The following RESF1 variants were observed in gnomAD, a reference collection of about 807,000 sequenced individuals.
RESF1 encodes the protein gonad expressed transcript.
A neutral mutation model predicts 134.7 loss-of-function variants in RESF1; 65 were observed. The ratio of observed to expected loss-of-function variants is 0.48; its 90% CI spans 0.40 to 0.59. The LOEUF (loss-of-function observed/expected upper bound fraction) is 0.59, where lower values mean the gene tolerates loss of function less well. Among genes scored for constraint, RESF1 ranks in the 20% least tolerant of loss-of-function variants. The pLI, the probability that RESF1 is intolerant of heterozygous loss-of-function variation, is 0.00. For synonymous variants in RESF1, 762 were observed against 702.2 expected, an observed-to-expected ratio of 1.09 and a Z score of -1.35; for missense variants, 2,274 against 2,002.7, an observed-to-expected ratio of 1.14 and a Z score of -2.59.
chr12:31,974,777 T>C (rs10844078), intron 3 of RESF1, among the ~76,000 whole-genome samples: 15,616 of 152,094 alleles, frequency 0.1, 1,023 homozygotes, highest in East Asian at 0.21. Context: ...TGAAGCATCA[T>C]TAATTCTCCT....
At position 31,984,520 on chromosome 12, in the gene RESF1, C is replaced by G; in HGVS notation, c.3565C>G (p.Gln1189Glu). 1 of 1,598,622 alleles carries G rather than the reference C, an allele frequency of 6.3e-7. No homozygotes were observed. The change falls in exon 4 of 6, where the codon CAG becomes GAG. Residue 1189 changes from glutamine (Q) to glutamate (E), a missense_variant. Coordinates refer to ENST00000312561, the MANE Select transcript of RESF1 (RefSeq NM_018169.4). ...SMVYEGVPQC[Q>E]CNSIKNSSSE... is the part of the protein sequence containing the mutation. ...GGTTTACGAAGGAGTACCCCAGTGT[C>G]AGTGTAATTCCATCAAGAACTCATC...
intron 2 of RESF1, among the ~76,000 whole-genome samples, chr12:31,964,689 G>C (rs936127087): frequency 2.0e-5 from 3 of 152,152 alleles, no homozygotes; most frequent in African/African-American, 4.8e-5. Context: ...TTGTGGTTGT[G>C]ATTTGCATTT....
At position 31,986,430 on chromosome 12, in the gene RESF1, A is replaced by G. The variant is rs181308186; in HGVS notation, c.5002+473A>G. Among the ~76,000 whole-genome samples, 421 of 152,334 alleles carry G rather than the reference A, an allele frequency of 2.8e-3. 1 individual carries two copies. Among genetic ancestry groups the G allele is most frequent in the Non-Finnish European group, 4.0e-3 (272 of 68,032 alleles). ...CTGAAGTCTTTTTGTTCATATGGAA[A>G]TGGGTCAACTAATTGTCCTCTTTGA... On this transcript the variant is annotated intron_variant, in intron 4 of 5. Transcript: ENST00000312561.
intron 3 of RESF1, among the ~76,000 whole-genome samples, chr12:31,976,271 C>G (rs576953040): frequency 2.0e-5 from 3 of 152,142 alleles, no homozygotes; most frequent in African/African-American, 7.2e-5. Flanking sequence ...TAAAAAAAAT[C>G]CACATTTAAC....
At chr12:31,965,012 GA>G (rs1939366274) in intron 2 of RESF1, among the ~76,000 whole-genome samples, 1 of 152,122 alleles carries the variant, frequency 6.6e-6, no homozygotes, top group Admixed American at 6.6e-5. Context: ...GTGTTGCCCA[GA>G]ATGGAGTGCG....
At chr12:31,987,078 A>G in intron 4 of RESF1, 161 bp from the exon 5 acceptor site, 2 of 545,542 alleles carry the variant, frequency 3.7e-6, no homozygotes, top group Non-Finnish European at 6.6e-6. Context: ...AGCATTTCAA[A>G]TAGAAATCAT....
In RESF1 at chr12:31,992,488, T is replaced by G. The variant is rs1409230289; in HGVS notation, c.5197T>G (p.Tyr1733Asp). The G allele has an allele frequency of 3.7e-6, 6 of 1,614,034 alleles. No homozygotes were observed. Among genetic ancestry groups the G allele is most frequent in the Non-Finnish European group, 5.1e-6 (6 of 1,179,940 alleles). ...KEMFQTYKQM[Y>D]LEKRSRSLGS... ...AATGTTTCAAACCTACAAACAGATG[T>G]ACCTGGAGAAGAGAAGCAGAAGCCT... The change falls in exon 6 of 6, where the codon TAC becomes GAC. Residue 1733 changes from tyrosine (Y) to aspartate (D), a missense_variant. By Grantham distance (160) the Tyr-to-Asp change is radical. Coordinates refer to ENST00000312561, the MANE Select transcript of RESF1 (RefSeq NM_018169.4).
chr12:31,977,539 A>G (rs568753499), intron 3 of RESF1, among the ~76,000 whole-genome samples: 14 of 152,278 alleles, frequency 9.2e-5, no homozygotes, highest in African/African-American at 2.4e-4. Context: ...TTGTTTGTAT[A>G]TGTCTCTTGC....
chr12:31,992,264 T>G, intron 5 of RESF1, 114 bp from the exon 6 acceptor site: 1 of 895,306 alleles, frequency 1.1e-6, no homozygotes, highest in South Asian at 1.7e-5. Flanking sequence ...TTTGCTTAAC[T>G]CCTTGCCTTA....
intron 1 of RESF1, among the ~76,000 whole-genome samples, chr12:31,960,269 G>C (rs183065215): frequency 2.6e-5 from 4 of 151,986 alleles, no homozygotes; most frequent in African/African-American, 9.7e-5. Context: ...GTAGTACATC[G>C]AGTGCATACT....
At chr12:31,978,867 C>T (rs1430998423) in intron 3 of RESF1, among the ~76,000 whole-genome samples, 1 of 150,978 alleles carries the variant, frequency 6.6e-6, no homozygotes, top group Non-Finnish European at 1.5e-5. Flanking sequence ...CTGTGCCCGG[C>T]AGTATTTGAT....
At chr12:31,974,442 G>A (rs973804380) in intron 3 of RESF1, among the ~76,000 whole-genome samples, 1 of 151,878 alleles carries the variant, frequency 6.6e-6, no homozygotes, top group African/African-American at 2.4e-5. Context: ...AGAAGTCCAG[G>A]GTCAATATGT....
chr12:31,980,312 T>C (rs1451663867), intron 3 of RESF1, among the ~76,000 whole-genome samples: 5 of 152,114 alleles, frequency 3.3e-5, no homozygotes, highest in South Asian at 4.1e-4. Flanking sequence ...GGGTTTGGCA[T>C]GTTAGCCAGG....
rs945600519 is a variant in RESF1, at chr12:31,980,886, C to T, written c.-70C>T. 1 of 1,126,170 alleles carries T rather than the reference C, an allele frequency of 8.9e-7. No homozygotes were observed. Among genetic ancestry groups the T allele is most frequent in the African/African-American group, 1.6e-5 (1 of 63,820 alleles). 69.8% of individuals were successfully genotyped at this position (1,126,170 alleles called of 1,614,324 possible). ...ATCTTTATTTCTTACAGATTCCTGA[C>T]ATTCAGACAACTGACTTGTAACTGA... On this transcript the variant is annotated 5_prime_UTR_variant, in exon 4 of 6. Transcript: ENST00000312561.
chr12:31,983,936 A>G lies in RESF1; in HGVS notation c.2981A>G (p.Glu994Gly), dbSNP rs1370896769. 6.2e-7 allele frequency: 1 copy of G among 1,613,780 alleles called. No individual in the cohort carries two copies. Among genetic ancestry groups the G allele is most frequent in the African/African-American group, 1.3e-5 (1 of 74,926 alleles). The change falls in exon 4 of 6, where the codon GAG becomes GGG. Residue 994 changes from glutamate to glycine, a missense_variant. Coordinates refer to ENST00000312561, the MANE Select transcript of RESF1 (RefSeq NM_018169.4). Reference sequence around the variant, plus strand: ...CTTGAAACAAACAGAGTTATTCTAGAGAAAAGTAGTTTGGAGCATGCCACT... The same window carrying G: ...CTTGAAACAAACAGAGTTATTCTAGGGAAAAGTAGTTTGGAGCATGCCACT... ...NNLETNRVIL[E>G]KSSLEHATEK...
At chr12:31,980,175 G>A (rs1474516311) in intron 3 of RESF1, among the ~76,000 whole-genome samples, 3 of 138,134 alleles carry the variant, frequency 2.2e-5, no homozygotes, top group Non-Finnish European at 4.6e-5. Context: ...GCAGTGGTGT[G>A]ATCTTGGCTT....
Position 31,992,688 on chromosome 12 carries a change from A to G in RESF1, c.*153A>G, listed in dbSNP as rs1459665882. 5.2e-6 allele frequency: 4 copies of G among 768,588 alleles called. No individual in the cohort carries two copies. The highest frequency in any genetic ancestry group is 8.6e-6 in the Non-Finnish European group (4 of 463,568). The allele number at this position is 768,588 out of a possible 1,614,324, so 47.6% of individuals were successfully genotyped here. Reference sequence around the variant, plus strand: ...ATTTCATTGAAAGTGCTTAATTAAAATGGCTTGAGAACTTTGGGTAGCCAT... The same window carrying G: ...ATTTCATTGAAAGTGCTTAATTAAAGTGGCTTGAGAACTTTGGGTAGCCAT... On this transcript the variant is annotated 3_prime_UTR_variant, in exon 6 of 6. Transcript: ENST00000312561.
intron 3 of RESF1, among the ~76,000 whole-genome samples, chr12:31,975,577 AG>A (rs1939615826): frequency 6.6e-6 from 1 of 152,236 alleles, no homozygotes; most frequent in Non-Finnish European, 1.5e-5. Context: ...TGGATTATGT[AG>A]GGAACACACT....
chr12:31,986,447 C>T (rs982984019), intron 4 of RESF1, among the ~76,000 whole-genome samples: 3 of 152,202 alleles, frequency 2.0e-5, no homozygotes, highest in African/African-American at 7.2e-5. Context: ...AACTAATTGT[C>T]CTCTTTGAAA....
Sources: allele counts gnomAD v4.1 joint callset (sites outside exome capture counted in the v4.1 genomes callset), GRCh38; gene constraint gnomAD v4.1.1; transcripts MANE v1.5; gene names NCBI Gene and HGNC (gene_info 2026-07-23, HGNC 2026-07-21).